NALF1: variants seen among roughly 807,000 people sequenced by gnomAD.
NALF1 encodes the protein NALCN channel auxiliary factor 1, also known as family with sequence similarity 155 member A.
A neutral mutation model predicts 48.4 loss-of-function variants in NALF1; 3 were observed. The ratio of observed to expected loss-of-function variants is 0.06; its 90% CI spans 0.03 to 0.16. NALF1 has a LOEUF of 0.16. Ranked by LOEUF, NALF1 falls within the 10% of genes least tolerant of loss-of-function variation. NALF1 has a pLI of 1.00. For missense variants in NALF1, 526 were observed against 571.5 expected (o/e 0.92, Z 0.81); for synonymous variants, 262 against 245.7 (o/e 1.07, Z -0.62).
intron 1 of NALF1, among the ~76,000 whole-genome samples, chr13:107,476,855 T>A (rs1001062172): frequency 2.0e-5 from 3 of 151,854 alleles, no homozygotes; most frequent in African/African-American, 7.3e-5. Context: ...AGCCAAGAGG[T>A]ATTTAGAAGC....
chr13:107,557,147 GA>G (rs1021067867), intron 1 of NALF1, among the ~76,000 whole-genome samples: 2 of 150,622 alleles, frequency 1.3e-5, no homozygotes, highest in Admixed American at 1.3e-4. Flanking sequence ...CTAGCTTCTT[GA>G]AAAAAAAATG....
At chr13:107,533,899 A>G (rs1330110406) in intron 1 of NALF1, among the ~76,000 whole-genome samples, 1 of 152,152 alleles carries the variant, frequency 6.6e-6, no homozygotes, top group South Asian at 2.1e-4. Context: ...GTTTGAAAAT[A>G]TAGAGTTAAC....
At chr13:107,246,475 C>A (rs1483034275) in intron 1 of NALF1, among the ~76,000 whole-genome samples, 2 of 152,188 alleles carry the variant, frequency 1.3e-5, no homozygotes, top group African/African-American at 4.8e-5. Context: ...ATCTTCTTCA[C>A]TCCCTCCTTC....
At chr13:107,285,402 T>C (rs1024828938) in intron 1 of NALF1, among the ~76,000 whole-genome samples, 2 of 152,224 alleles carry the variant, frequency 1.3e-5, no homozygotes, top group Non-Finnish European at 2.9e-5. Context: ...ACATAGGTAC[T>C]GCCACCTCTA....
chr13:107,166,725 A>G lies in NALF1; in HGVS notation c.*3772T>C, dbSNP rs996360540. ...AAGTATGTACTTATTCATTCATATG[A>G]AACCTCCTTTCCCCCTCATTCCCCG... On this transcript the variant is annotated 3_prime_UTR_variant, in exon 3 of 3. Transcript: ENST00000375915. 4.6e-5 allele frequency: 7 copies of G among 151,944 alleles called. No individual in the cohort carries two copies. The East Asian group carries it at 7.7e-4, about 17-fold the overall frequency. The allele number at this position is 151,944 out of a possible 1,614,324, so 9.4% of individuals were successfully genotyped here.
At chr13:107,639,169 G>A (rs534093639) in intron 1 of NALF1, among the ~76,000 whole-genome samples, 1 of 152,232 alleles carries the variant, frequency 6.6e-6, no homozygotes, top group South Asian at 2.1e-4. Context: ...GAAGTCAAAT[G>A]GAATCCTTCT....
chr13:107,528,784 G>C (rs1876526754), intron 1 of NALF1, among the ~76,000 whole-genome samples: 2 of 152,122 alleles, frequency 1.3e-5, no homozygotes, highest in Non-Finnish European at 2.9e-5. Flanking sequence ...AAGATTGCTT[G>C]TCATCACGAC....
chr13:107,347,055 A>G (rs1295371834), intron 1 of NALF1, among the ~76,000 whole-genome samples: 1 of 152,208 alleles, frequency 6.6e-6, no homozygotes, highest in Non-Finnish European at 1.5e-5. Flanking sequence ...TTAAATTAGA[A>G]AAATGGTGGA....
At chr13:107,655,840 C>G (rs1880560744) in intron 1 of NALF1, among the ~76,000 whole-genome samples, 1 of 152,006 alleles carries the variant, frequency 6.6e-6, no homozygotes, top group Admixed American at 6.6e-5. Flanking sequence ...GAATAGAGAA[C>G]CCAGAAATAA....
intron 1 of NALF1, among the ~76,000 whole-genome samples, chr13:107,844,853 A>G (rs972869866): frequency 6.6e-6 from 1 of 152,320 alleles, no homozygotes; most frequent in South Asian, 2.1e-4. Flanking sequence ...GGCGTTTCTG[A>G]GAGTCAAAGC....
chr13:107,558,707 G>T (rs1877554214), intron 1 of NALF1, among the ~76,000 whole-genome samples: 1 of 152,168 alleles, frequency 6.6e-6, no homozygotes, highest in African/African-American at 2.4e-5. Context: ...GATTTCTGGG[G>T]TGTTTCAGGG....
chr13:107,545,136 C>T (rs189006769), intron 1 of NALF1, among the ~76,000 whole-genome samples: 1 of 152,272 alleles, frequency 6.6e-6, no homozygotes, highest in African/African-American at 2.4e-5. Flanking sequence ...GATGCAGTTC[C>T]TAGGGTGGAG....
chr13:107,716,416 CAAGA>C (rs1875820515), intron 1 of NALF1, among the ~76,000 whole-genome samples: 1 of 152,156 alleles, frequency 6.6e-6, no homozygotes, highest in South Asian at 2.1e-4. Context: ...ATGCCGAATA[CAAGA>C]GAGAGGACCG....
chr13:107,738,892 G>A (rs1226397280), intron 1 of NALF1, among the ~76,000 whole-genome samples: 3 of 152,030 alleles, frequency 2.0e-5, no homozygotes, highest in Non-Finnish European at 2.9e-5. Context: ...TCAAACTCCC[G>A]ACCTCGTGAT....
intron 1 of NALF1, among the ~76,000 whole-genome samples, chr13:107,551,430 T>G (rs1229241202): frequency 6.6e-6 from 1 of 152,192 alleles, no homozygotes; most frequent in Non-Finnish European, 1.5e-5. Flanking sequence ...ACCTCTTCAC[T>G]GCTCCTTAAT....
intron 1 of NALF1, among the ~76,000 whole-genome samples, chr13:107,224,567 G>C (rs1051612724): frequency 6.6e-6 from 1 of 151,890 alleles, no homozygotes; most frequent in African/African-American, 2.4e-5. Context: ...TATGTCCGTA[G>C]CAATGTCTTA....
At chr13:107,495,078 T>C (rs1258469580) in intron 1 of NALF1, among the ~76,000 whole-genome samples, 1 of 152,226 alleles carries the variant, frequency 6.6e-6, no homozygotes, top group African/African-American at 2.4e-5. Context: ...CATCATATCA[T>C]TCTCTTGATT....
intron 1 of NALF1, among the ~76,000 whole-genome samples, chr13:107,771,061 G>A (rs1307020905): frequency 6.7e-6 from 1 of 149,022 alleles, no homozygotes; most frequent in Admixed American, 6.6e-5. Flanking sequence ...ATTTGAAATT[G>A]TATGTCAAAT....
At chr13:107,680,725 GTGTA>G (rs1881274789) in intron 1 of NALF1, among the ~76,000 whole-genome samples, 1 of 125,674 alleles carries the variant, frequency 8.0e-6, no homozygotes, top group Non-Finnish European at 1.7e-5. Context: ...TGGTGTGAGA[GTGTA>G]TGAGTGTGAA....
Sources: allele counts gnomAD v4.1 joint callset (sites outside exome capture counted in the v4.1 genomes callset), GRCh38; gene constraint gnomAD v4.1.1; transcripts MANE v1.5; gene names NCBI Gene and HGNC (gene_info 2026-07-23, HGNC 2026-07-21).